The following CELSR1 variants were observed in gnomAD, a reference collection of about 807,000 sequenced individuals.
CELSR1 encodes cadherin EGF LAG seven-pass G-type receptor 1.
A neutral mutation model predicts 249.1 loss-of-function variants in CELSR1; 110 were observed. That is an observed-to-expected ratio of 0.44 (90% CI 0.38 to 0.52). CELSR1 has a LOEUF of 0.52. Among genes scored for constraint, CELSR1 ranks in the 20% least tolerant of loss-of-function variants. The probability of loss-of-function intolerance (pLI) is 0.00; values close to 1 mark genes in which losing one functional copy is unlikely to be tolerated. For missense variants in CELSR1, 4,109 were observed against 4,296.4 expected, an observed-to-expected ratio of 0.96 and a Z score of 1.22; for synonymous variants, 2,113 against 1,900.0, an observed-to-expected ratio of 1.11 and a Z score of -2.92.
In CELSR1 at chr22:46,378,081, T is replaced by A. The variant is rs2078938052; in HGVS notation, c.7383+510A>T. On this transcript the variant is annotated intron_variant, in intron 23 of 34. Transcript: ENST00000674500. Reference sequence around the variant, plus strand: ...TCCCCAATTCATCTGCAGCCCACAATGGCCGGCTCACATTCCCAGGCCGCT... The same window carrying A: ...TCCCCAATTCATCTGCAGCCCACAAAGGCCGGCTCACATTCCCAGGCCGCT... Among the ~76,000 whole-genome samples, 4 of 152,270 alleles carry A rather than the reference T, an allele frequency of 2.6e-5. No homozygotes were observed. In the South Asian group the frequency reaches 8.3e-4, roughly 32 times the overall value.
chr22:46,446,906 T>G lies in CELSR1; in HGVS notation c.4184-7495A>C, dbSNP rs1241067037. 6.6e-6 allele frequency among the ~76,000 whole-genome samples: 1 copy of G among 152,130 alleles called. No individual in the cohort carries two copies. The highest frequency in any genetic ancestry group is 1.5e-5 in the Non-Finnish European group (1 of 68,024). On this transcript the variant is annotated intron_variant, in intron 2 of 34. Transcript: ENST00000674500. This position sits in a 1 kb window ranked among gnomAD's most constrained non-coding sequence, Gnocchi z 5.5. ...AGCCGGGGAAGGTCCTGTCCCTGTGTTCCTTAGGGCTGACTCCTAGCACAG... is the reference window on the plus strand; with the variant it reads ...AGCCGGGGAAGGTCCTGTCCCTGTGGTCCTTAGGGCTGACTCCTAGCACAG...
intron 1 of CELSR1, among the ~76,000 whole-genome samples, chr22:46,479,157 T>TCTCAAGAACA (rs2080240918): frequency 1.3e-5 from 2 of 151,828 alleles, no homozygotes; most frequent in Non-Finnish European, 2.9e-5. Flanking sequence ...TGCTCACACC[T>TCTCAAGAACA]GCGGCTGGTG....
At chr22:46,379,890 T>G (rs144396782) in intron 22 of CELSR1, among the ~76,000 whole-genome samples, 2 of 152,258 alleles carry the variant, frequency 1.3e-5, no homozygotes, top group Non-Finnish European at 2.9e-5. Flanking sequence ...CCTCCCTGAC[T>G]GTGCTCCCAT....
At chr22:46,515,296 C>T (rs955529475) in intron 1 of CELSR1, among the ~76,000 whole-genome samples, 11 of 152,220 alleles carry the variant, frequency 7.2e-5, no homozygotes, top group Admixed American at 2.0e-4. Context: ...GCACAGCTGT[C>T]GGCAGCACAG....
Position 46,401,072 on chromosome 22 carries a change from G to A in CELSR1, c.5227-1170C>T, listed in dbSNP as rs867126231. ...ATCGCTTCATGGAGGTCAAGTAAGG[G>A]AAGCGCCAAGAACAAGCCCCATTAG... On this transcript the variant is annotated intron_variant, in intron 9 of 34. Coordinates refer to ENST00000674500, the MANE Select transcript of CELSR1 (RefSeq NM_001378328.1). This position sits in a 1 kb window ranked among gnomAD's most constrained non-coding sequence, Gnocchi z 4.7. Among the ~76,000 whole-genome samples the A allele has an allele frequency of 2.0e-5, 3 of 152,138 alleles. No individual in the cohort carries two copies. The highest frequency in any genetic ancestry group is 6.5e-5 in the Admixed American group (1 of 15,268).
At chr22:46,460,261 A>G (rs1276337334) in intron 2 of CELSR1, among the ~76,000 whole-genome samples, 1 of 152,068 alleles carries the variant, frequency 6.6e-6, no homozygotes, top group Admixed American at 6.5e-5. Context: ...GAGACATGGA[A>G]GTGTGTGAAC....
chr22:46,373,676 T>TGGGGGAGATGGGGGAGATGGGGGAGAA (rs2078884269), intron 24 of CELSR1, among the ~76,000 whole-genome samples: 1 of 26,232 alleles, frequency 3.8e-5, no homozygotes, highest in African/African-American at 1.0e-4. Context: ...AAGGGGGAGA[T>TGGGGGAGATGGGGGAGATGGGGGAGAA]GGGGGAGATG....
In CELSR1 at chr22:46,463,779, G is replaced by T. The variant is rs1378102980; in HGVS notation, c.4111C>A (p.Pro1371Thr). Reference sequence around the variant, plus strand: ...CGGCAGCGGCCGTTGGCGCCGCACGGGTCGGAGTAGCAGAGGTCGATCTCC... The same window carrying T: ...CGGCAGCGGCCGTTGGCGCCGCACGTGTCGGAGTAGCAGAGGTCGATCTCC... ...ETEIDLCYSD[P>T]CGANGRCRSR... Residue 1371 changes from proline (P) to threonine (T), a missense_variant, in exon 2 of 35, where the codon CCG (proline) becomes ACG (threonine). Physicochemically the swap from Pro to Thr is conservative, Grantham distance 38. Coordinates refer to ENST00000674500, the MANE Select transcript of CELSR1 (RefSeq NM_001378328.1). 6.3e-7 allele frequency: 1 copy of T among 1,594,386 alleles called. No individual in the cohort carries two copies. Among genetic ancestry groups the T allele is most frequent in the Non-Finnish European group, 8.5e-7 (1 of 1,170,520 alleles).
chr22:46,456,689 A>G (rs925004008), intron 2 of CELSR1, among the ~76,000 whole-genome samples: 3 of 144,252 alleles, frequency 2.1e-5, no homozygotes, highest in Non-Finnish European at 3.0e-5. Context: ...AAAAAAAAAG[A>G]GAACCCAAAA....
rs539576272 is a variant in CELSR1 at position 46,366,891 on chromosome 22, G to T, written c.8205+102C>A. 161 of 1,447,100 alleles carry T rather than the reference G, an allele frequency of 1.1e-4. No individual in the cohort carries two copies. In the African/African-American group the frequency reaches 2.0e-3, roughly 18 times the overall value. 89.6% of individuals were successfully genotyped at this position (1,447,100 alleles called of 1,614,324 possible). On this transcript the variant is annotated intron_variant, in intron 29 of 34. Transcript: ENST00000674500. ...CGGCTCTGCCATCCCCACCGTGAGG[G>T]GCATACGGGCCGCAGGACTGGGGCT...
intron 5 of CELSR1, among the ~76,000 whole-genome samples, chr22:46,422,782 G>GAAAAAAAA (rs2079492537): frequency 3.4e-5 from 4 of 119,068 alleles, no homozygotes; most frequent in African/African-American, 1.7e-4. Flanking sequence ...AAAAAAAAAT[G>GAAAAAAAA]GCTCATAGTC....
intron 1 of CELSR1, among the ~76,000 whole-genome samples, chr22:46,487,433 A>C (rs1477860976): frequency 6.8e-6 from 1 of 146,944 alleles, no homozygotes; most frequent in Non-Finnish European, 1.5e-5. Context: ...CGAGGCTGAG[A>C]TCTAGGGATG....
At chr22:46,504,873 TTATATGAAA>T (rs2080499962) in intron 1 of CELSR1, among the ~76,000 whole-genome samples, 1 of 152,140 alleles carries the variant, frequency 6.6e-6, no homozygotes, top group Non-Finnish European at 1.5e-5. Flanking sequence ...CCCTGAAATG[TTATATGAAA>T]AAGAAACTTG....
At chr22:46,478,330 C>G (rs61032145) in intron 1 of CELSR1, among the ~76,000 whole-genome samples, 1 of 152,304 alleles carries the variant, frequency 6.6e-6, no homozygotes, top group South Asian at 2.1e-4. Context: ...TCTCTGCCCT[C>G]GTCCTGGAAA....
chr22:46,424,724 A>C (rs1454350450), intron 5 of CELSR1, among the ~76,000 whole-genome samples: 2 of 152,160 alleles, frequency 1.3e-5, no homozygotes, highest in Non-Finnish European at 2.9e-5. Context: ...TGTAATCCCA[A>C]CACTTTGGAA....
At chr22:46,442,907 C>G (rs1237295597) in intron 2 of CELSR1, among the ~76,000 whole-genome samples, 1 of 151,352 alleles carries the variant, frequency 6.6e-6, no homozygotes, top group Non-Finnish European at 1.5e-5. Flanking sequence ...CTGGCTAACA[C>G]GGTGAAACCC....
At chr22:46,439,163 T>C in intron 3 of CELSR1, 26 bp downstream of exon 3, 2 of 1,597,298 alleles carry the variant, frequency 1.3e-6, no homozygotes, top group South Asian at 2.2e-5. Flanking sequence ...GAGACCCCCG[T>C]GTGGCGCGGC....
chr22:46,432,985 A>G (rs1476184907), intron 5 of CELSR1, among the ~76,000 whole-genome samples: 3 of 151,944 alleles, frequency 2.0e-5, no homozygotes, highest in Non-Finnish European at 4.4e-5. Flanking sequence ...AAAAATTCAG[A>G]GCACAAATGT....
chr22:46,468,319 G>A lies in CELSR1; in HGVS notation c.3545-3974C>T, dbSNP rs898653189. Among the ~76,000 whole-genome samples the A allele has an allele frequency of 6.6e-6, 1 of 151,698 alleles. No individual in the cohort carries two copies. Among genetic ancestry groups the A allele is most frequent in the African/African-American group, 2.4e-5 (1 of 41,244 alleles). On this transcript the variant is annotated intron_variant, in intron 1 of 34. Coordinates refer to ENST00000674500, the MANE Select transcript of CELSR1 (RefSeq NM_001378328.1). The surrounding 1 kb of genome is among the most constrained non-coding windows in gnomAD (Gnocchi z 4.5). ...GAGAATCGCTTGAACCCAAGAGGTG[G>A]AGGTTGTGGTGAGCCAAGATCATAC...
Sources: gnomAD v4.1 joint callset for allele counts (sites outside exome capture counted in the v4.1 genomes callset) on GRCh38, gnomAD v4.1.1 for gene constraint, Gnocchi (gnomAD v3.1) non-coding constraint, MANE v1.5 for transcripts, NCBI Gene and HGNC (gene_info 2026-07-23, HGNC 2026-07-21) for gene names.